KCNJ5: variants seen among roughly 807,000 people sequenced by gnomAD.
KCNJ5 encodes potassium inwardly rectifying channel subfamily J member 5, also known as G protein-activated inward rectifier potassium channel 4.
Under a neutral mutation model 20.2 loss-of-function variants are expected in KCNJ5, and 12 were observed. The observed-to-expected ratio is 0.59, with a 90% CI of 0.38 to 0.96. The LOEUF (loss-of-function observed/expected upper bound fraction) is 0.96. Ranked by LOEUF, KCNJ5 falls within the 40% of genes least tolerant of loss-of-function variation. KCNJ5 has a pLI of 0.00. For missense variants in KCNJ5, 449 were observed against 557.6 expected, an observed-to-expected ratio of 0.81 and a Z score of 1.96; for synonymous variants, 210 against 213.9, an observed-to-expected ratio of 0.98 and a Z score of 0.16.
chr11:128,903,636 TTGGTGATGATGC>T, intron 1 of KCNJ5: 6 of 1,012,438 alleles, frequency 5.9e-6, no homozygotes, highest in Non-Finnish European at 7.4e-6. Flanking sequence ...CGGGGCACTC[TTGGTGATGATGC>T]CAGAATGACA....
At chr11:128,903,452 C>T (rs772256910) in intron 1 of KCNJ5, 40 of 1,614,026 alleles carry the variant, frequency 2.5e-5, no homozygotes, top group Middle Eastern at 1.6e-4. Flanking sequence ...ACATCCTGCC[C>T]AGCTGAGAAA....
intron 1 of KCNJ5, chr11:128,902,756 A>G (rs1944311197): frequency 2.6e-6 from 4 of 1,558,698 alleles, no homozygotes; most frequent in Non-Finnish European, 3.5e-6. Context: ...ATTCAGTGGC[A>G]CTACCACAAC....
At chr11:128,898,185 TA>T (rs1348415872) in intron 1 of KCNJ5, among the ~76,000 whole-genome samples, 6 of 152,250 alleles carry the variant, frequency 3.9e-5, no homozygotes, top group Non-Finnish European at 8.8e-5. Flanking sequence ...TCTATATCTA[TA>T]AAAAATCTTG....
intron 1 of KCNJ5, among the ~76,000 whole-genome samples, chr11:128,907,931 A>C (rs1944447726): frequency 6.6e-6 from 1 of 152,218 alleles, no homozygotes; most frequent in Non-Finnish European, 1.5e-5. Context: ...TGAGTGCATA[A>C]TTAATAGAAC....
intron 1 of KCNJ5, among the ~76,000 whole-genome samples, chr11:128,894,449 T>C (rs2135981474): frequency 6.6e-6 from 1 of 152,328 alleles, no homozygotes; most frequent in African/African-American, 2.4e-5. Context: ...ATGTTCACTG[T>C]GTATGAGCTA....
At chr11:128,913,181 G>C (rs944968506) in intron 2 of KCNJ5, among the ~76,000 whole-genome samples, 1 of 152,196 alleles carries the variant, frequency 6.6e-6, no homozygotes, top group Non-Finnish European at 1.5e-5. Context: ...TGCAGGGGAA[G>C]GGCTTTTGTG....
Position 128,891,675 on chromosome 11 carries a change from C to G in KCNJ5, c.-57C>G, listed in dbSNP as rs1397753942. On this transcript the variant is annotated 5_prime_UTR_variant, in exon 1 of 3. Transcript: ENST00000529694. ...CCCCCTGCACCGCCGCTAAGGGACA[C>G]CCCAGAAGTTAGCATCAGTGGGACT... 1.3e-5 allele frequency: 2 copies of G among 152,288 alleles called. No homozygotes were observed. The highest frequency in any genetic ancestry group is 2.9e-5 in the Non-Finnish European group (2 of 68,136). The allele number at this position is 152,288 out of a possible 1,614,324, so 9.4% of individuals were successfully genotyped here.
At chr11:128,899,076 A>G (rs781338000) in intron 1 of KCNJ5, among the ~76,000 whole-genome samples, 22 of 152,108 alleles carry the variant, frequency 1.4e-4, no homozygotes, top group Non-Finnish European at 2.9e-4. Flanking sequence ...TCTTTCTTGA[A>G]TCATTTAAGC....
chr11:128,908,676 C>CA (rs1944457825), intron 1 of KCNJ5, among the ~76,000 whole-genome samples: 1 of 152,212 alleles, frequency 6.6e-6, no homozygotes, highest in Admixed American at 6.5e-5. Flanking sequence ...AAATCAGCAG[C>CA]AAGCTGTTTC....
intron 2 of KCNJ5, among the ~76,000 whole-genome samples, chr11:128,913,214 C>T (rs1432941526): frequency 1.3e-5 from 2 of 152,210 alleles, no homozygotes; most frequent in Admixed American, 6.5e-5. Context: ...CTGGGGCAGC[C>T]AGCCCTCAGC....
intron 1 of KCNJ5, chr11:128,905,918 C>T (rs547111163): frequency 6.6e-6 from 1 of 152,282 alleles, no homozygotes; most frequent in Non-Finnish European, 1.5e-5. Context: ...ACCTGTTTTC[C>T]CCTTTTGTAA....
rs71057905 is a variant in KCNJ5 at position 128,891,441 on chromosome 11, C to CAGAGAGAGAGAGAGAGAGAGAGAGAGAG, written c.-283_-256dup. ...ACACACACACACACACACACACACA[C>CAGAGAGAGAGAGAGAGAGAGAGAGAGAG]AGAGAGAGAGAGAGAGAGAGAGAGA... On this transcript the variant is annotated 5_prime_UTR_variant, in exon 1 of 3. Coordinates refer to ENST00000529694, the MANE Select transcript of KCNJ5 (RefSeq NM_000890.5). The CAGAGAGAGAGAGAGAGAGAGAGAGAGAG allele has an allele frequency of 3.6e-5, 2 of 54,924 alleles. No individual in the cohort carries two copies. The highest frequency in any genetic ancestry group is 8.0e-5 in the African/African-American group (1 of 12,444). The allele number at this position is 54,924 out of a possible 1,614,324, so 3.4% of individuals were successfully genotyped here.
intron 1 of KCNJ5, 27 bp downstream of exon 1, chr11:128,891,748 T>G (rs1345999324): frequency 1.3e-5 from 2 of 152,302 alleles, no homozygotes; most frequent in Non-Finnish European, 1.5e-5. Context: ...TCCTCCTCCA[T>G]TTCTCCCCCA....
intron 1 of KCNJ5, among the ~76,000 whole-genome samples, chr11:128,904,219 A>G (rs1363423589): frequency 1.3e-5 from 2 of 152,176 alleles, no homozygotes; most frequent in Non-Finnish European, 2.9e-5. Context: ...CAGGCCCACA[A>G]GGCTCTGCCA....
At chr11:128,896,134 C>G (rs371474140) in intron 1 of KCNJ5, among the ~76,000 whole-genome samples, 1 of 152,132 alleles carries the variant, frequency 6.6e-6, no homozygotes, top group Non-Finnish European at 1.5e-5. Context: ...TTTTTTCACT[C>G]ATTCTCTTGA....
chr11:128,914,353 C>T (rs1944545830), intron 2 of KCNJ5, among the ~76,000 whole-genome samples: 1 of 152,212 alleles, frequency 6.6e-6, no homozygotes, highest in African/African-American at 2.4e-5. Context: ...CCCGCTGCAC[C>T]CCCAACCACA....
At chr11:128,902,818 G>A in intron 1 of KCNJ5, 1 of 1,298,280 alleles carries the variant, frequency 7.7e-7, no homozygotes, top group South Asian at 1.4e-5. Flanking sequence ...ATGTCCATGG[G>A]CAGAAAAGGC....
At chr11:128,893,425 C>A (rs1944124254) in intron 1 of KCNJ5, among the ~76,000 whole-genome samples, 1 of 151,408 alleles carries the variant, frequency 6.6e-6, no homozygotes, top group Non-Finnish European at 1.5e-5. Flanking sequence ...TAGCAAGACC[C>A]CATCTCAAAA....
intron 2 of KCNJ5, among the ~76,000 whole-genome samples, chr11:128,915,592 C>T (rs1298925256): frequency 6.6e-6 from 1 of 152,196 alleles, no homozygotes; most frequent in Admixed American, 6.5e-5. Context: ...TCTATTCACT[C>T]CAATCTCTAG....
Sources: gnomAD v4.1 joint callset for allele counts (sites outside exome capture counted in the v4.1 genomes callset) on GRCh38, gnomAD v4.1.1 for gene constraint, MANE v1.5 for transcripts, NCBI Gene and HGNC (gene_info 2026-07-23, HGNC 2026-07-21) for gene names.